The following ZNF185 variants were observed in gnomAD, a reference collection of about 807,000 sequenced individuals.
ZNF185 encodes zinc finger protein 185.
ZNF185 carries 56 observed loss-of-function variants against 58.6 expected under a neutral mutation model. The ratio of observed to expected loss-of-function variants is 0.95; its 90% CI spans 0.77 to 1.19. The LOEUF is 1.19. Among genes scored for constraint, ZNF185 ranks in the 50% most tolerant of loss-of-function variants. The pLI is 0.00. For missense variants in ZNF185, 627 were observed against 573.5 expected, an observed-to-expected ratio of 1.09 and a Z score of -0.95; for synonymous variants, 230 against 215.9, an observed-to-expected ratio of 1.07 and a Z score of -0.57.
intron 14 of ZNF185, among the ~76,000 whole-genome samples, chrX:152,937,580 C>G (rs933668335): frequency 8.9e-6 from 1 of 111,963 alleles, no homozygotes; most frequent in Non-Finnish European, 1.9e-5. Context: ...TGAGCTGAGC[C>G]AAGCCCCAAG....
In ZNF185 at chrX:152,920,525, T is replaced by C; in HGVS notation, c.614+114T>C. On this transcript the variant is annotated intron_variant, in intron 8 of 22. Transcript: ENST00000449285. Reference sequence around the variant, plus strand: ...GAGAGATCACCCCCAAGGGCCTTCCTAGCTGAGCCTTCTCAGATTCTCAGA... The same window carrying C: ...GAGAGATCACCCCCAAGGGCCTTCCCAGCTGAGCCTTCTCAGATTCTCAGA... 6 of 934,635 alleles carry C rather than the reference T, an allele frequency of 6.4e-6. No homozygotes were observed. The South Asian group carries it at 1.4e-4, about 22-fold the overall frequency. 77.0% of individuals were successfully genotyped at this position (934,635 alleles called of 1,213,427 possible). A position where few individuals can be genotyped will look rare whatever the true frequency, so the allele number is the denominator to read the frequency against.
intron 10 of ZNF185, 25 bp from the exon 12 acceptor site, chrX:152,922,695 C>T: frequency 8.5e-7 from 1 of 1,180,241 alleles, no homozygotes; most frequent in South Asian, 1.9e-5. Context: ...TCTCCAGAGC[C>T]TCTCACAGCC....
At chrX:152,905,387 G>A in the ZNF185 span, among the ~76,000 whole-genome samples, 7 of 111,841 alleles carry the variant, frequency 6.3e-5, no homozygotes, top group Non-Finnish European at 1.1e-4. Flanking sequence ...TCTCAGTGTC[G>A]CCCTTCTCCT....
intron 16 of ZNF185, among the ~76,000 whole-genome samples, chrX:152,953,174 C>G (rs1187877805): frequency 9.0e-6 from 1 of 111,257 alleles, no homozygotes; most frequent in African/African-American, 3.3e-5. Flanking sequence ...AATCTCCACT[C>G]AAAAGGAACC....
chrX:152,917,182 A>G lies in ZNF185; in HGVS notation c.263+13A>G, dbSNP rs1422931845. The G allele has an allele frequency of 8.3e-7, 1 of 1,209,745 alleles. No individual in the cohort carries two copies. Among genetic ancestry groups the G allele is most frequent in the East Asian group, 3.0e-5 (1 of 33,737 alleles). On this transcript the variant is annotated intron_variant, in intron 4 of 22. Transcript: ENST00000449285. ...GCTACATCATCCGGTAAGTGACCGC[A>G]GGACTCTGCCGGCCTTCCTGTGCCC...
intron 12 of ZNF185, among the ~76,000 whole-genome samples, chrX:152,931,415 C>T (rs941515539): frequency 1.4e-4 from 16 of 112,184 alleles, no homozygotes; most frequent in Non-Finnish European, 2.8e-4. Context: ...CACCACCACT[C>T]CTGACTAACT....
At chrX:152,967,455 A>G (rs1192216973) in intron 20 of ZNF185, among the ~76,000 whole-genome samples, 2 of 112,596 alleles carry the variant, frequency 1.8e-5, no homozygotes, top group African/African-American at 6.5e-5. Context: ...ACTAGAGGGT[A>G]GATACCAGCG....
At chrX:152,902,784 T>G in the ZNF185 span, among the ~76,000 whole-genome samples, 1 of 111,365 alleles carries the variant, frequency 9.0e-6, no homozygotes, top group South Asian at 3.7e-4. Flanking sequence ...GTGTTAGAGG[T>G]AAGGGTGGGG....
At chrX:152,920,979 T>A (rs1365360553) in intron 9 of ZNF185, among the ~76,000 whole-genome samples, 6 of 112,826 alleles carry the variant, frequency 5.3e-5, no homozygotes, top group Non-Finnish European at 1.1e-4. Flanking sequence ...CAATGGCTAA[T>A]GGGGCTGGGC....
rs782082243 is a variant in ZNF185 at position 152,920,408 on chromosome X, C to G, written c.611C>G (p.Thr204Ser). ...GTCCTGTCAGCGGCCAAGAAGAGCA[C>G]TGGGTGAGTTGCCACCAACTGGCTC... is the stretch of plus-strand genomic sequence containing the variant. The change falls in exon 8 of 23, where the codon ACT becomes AGT. Residue 204 changes from threonine (T) to serine (S), a missense_variant. By Grantham distance (58) the Thr-to-Ser change is moderately conservative. Coordinates refer to ENST00000449285, the Ensembl canonical transcript of ZNF185. 4 of 1,208,981 alleles carry G rather than the reference C, an allele frequency of 3.3e-6. No homozygotes were observed. In the African/African-American group the frequency reaches 5.2e-5, roughly 16 times the overall value.
chrX:152,924,153 C>T (rs1162935734), intron 11 of ZNF185, among the ~76,000 whole-genome samples: 2 of 111,659 alleles, frequency 1.8e-5, no homozygotes, highest in African/African-American at 6.5e-5. Flanking sequence ...CTCACTCCGT[C>T]GCCCAGGCTG....
At chrX:152,927,252 G>A (rs1345307621) in intron 11 of ZNF185, among the ~76,000 whole-genome samples, 2 of 112,361 alleles carry the variant, frequency 1.8e-5, no homozygotes, top group Non-Finnish European at 3.8e-5. Flanking sequence ...AGAGGAGATG[G>A]GGAGAAGTCA....
At chrX:152,969,990 GA>G (rs2050519279) in intron 21 of ZNF185, among the ~76,000 whole-genome samples, 2 of 112,029 alleles carry the variant, frequency 1.8e-5, no homozygotes, top group Admixed American at 1.9e-4. Flanking sequence ...GGTGCACTGA[GA>G]AAAACAACCC....
intron 2 of ZNF185, 86 bp from the exon 4 acceptor site, chrX:152,915,052 C>T (rs1181660829): frequency 2.8e-6 from 3 of 1,085,324 alleles, no homozygotes; most frequent in South Asian, 2.1e-5. Context: ...GCAGGACTTG[C>T]TGGGCAGCCT....
intron 16 of ZNF185, among the ~76,000 whole-genome samples, chrX:152,956,735 G>A (rs2125877308): frequency 8.9e-6 from 1 of 112,247 alleles, no homozygotes; most frequent in Non-Finnish European, 1.9e-5. Context: ...GCAAAACTCA[G>A]TCTCAAAACA....
chrX:152,918,724 C>G (rs1939063391), intron 6 of ZNF185, among the ~76,000 whole-genome samples: 1 of 111,953 alleles, frequency 8.9e-6, no homozygotes. Context: ...CTCTAGTTCC[C>G]AGGGGACCAC....
At chrX:152,914,927 C>A (rs1480978131) in intron 2 of ZNF185, 94 bp downstream of exon 3, 1 of 1,073,747 alleles carries the variant, frequency 9.3e-7, no homozygotes, top group Non-Finnish European at 1.2e-6. Flanking sequence ...GGGCTTCCAC[C>A]ATTCAGAGCT....
chrX:152,913,235 C>T (rs1422673191), upstream of ZNF185, among the ~76,000 whole-genome samples: 9 of 112,440 alleles, frequency 8.0e-5, no homozygotes, highest in African/African-American at 2.6e-4. Context: ...TATGCCAGCA[C>T]AACCAGGGCC....
At chrX:152,942,436 C>T (rs1483907289) in intron 15 of ZNF185, among the ~76,000 whole-genome samples, 3 of 111,640 alleles carry the variant, frequency 2.7e-5, no homozygotes, top group Non-Finnish European at 5.6e-5. Context: ...GTAATCATAC[C>T]TCCTACCATA....
Sources: allele counts gnomAD v4.1 joint callset (sites outside exome capture counted in the v4.1 genomes callset), GRCh38; gene constraint gnomAD v4.1.1; transcripts MANE v1.5; gene names NCBI Gene and HGNC (gene_info 2026-07-23, HGNC 2026-07-21).